The following KCNQ5 variants were observed in gnomAD, a reference collection of about 807,000 sequenced individuals.
KCNQ5 encodes the protein potassium voltage-gated channel subfamily KQT member 5.
KCNQ5 carries 30 observed loss-of-function variants against 98.2 expected under a neutral mutation model. The observed-to-expected ratio is 0.31, with a 90% CI of 0.23 to 0.41. KCNQ5 has a LOEUF of 0.41. Ranked by LOEUF, KCNQ5 falls within the 10% of genes least tolerant of loss-of-function variation. The pLI, the probability that KCNQ5 is intolerant of heterozygous loss-of-function variation, is 1.00. For synonymous variants in KCNQ5, 458 were observed against 449.4 expected (o/e 1.02, Z -0.24); for missense variants, 835 against 1,182.5 (o/e 0.71, Z 4.31).
intron 1 of KCNQ5, among the ~76,000 whole-genome samples, chr6:72,752,037 C>T (rs1318749685): frequency 6.6e-6 from 1 of 151,948 alleles, no homozygotes; most frequent in Non-Finnish European, 1.5e-5. Flanking sequence ...GCTATACTAC[C>T]ATACATTGCT....
intron 5 of KCNQ5, among the ~76,000 whole-genome samples, chr6:73,102,175 T>C (rs1774805212): frequency 6.6e-6 from 1 of 152,156 alleles, no homozygotes. Flanking sequence ...TAAAAGGTGC[T>C]GGAGAAACTG....
At chr6:72,629,484 G>C (rs2098919669) in intron 1 of KCNQ5, among the ~76,000 whole-genome samples, 1 of 152,122 alleles carries the variant, frequency 6.6e-6, no homozygotes, top group African/African-American at 2.4e-5. Flanking sequence ...TACAATATTA[G>C]TACTGGGAAT....
At chr6:72,706,833 A>G (rs1769113218) in intron 1 of KCNQ5, among the ~76,000 whole-genome samples, 1 of 152,224 alleles carries the variant, frequency 6.6e-6, no homozygotes, top group Non-Finnish European at 1.5e-5. Flanking sequence ...ATTAAAAAGT[A>G]TCATCTTTAC....
chr6:73,056,952 A>G, intron 3 of KCNQ5, among the ~76,000 whole-genome samples: 1 of 152,056 alleles, frequency 6.6e-6, no homozygotes, highest in Non-Finnish European at 1.5e-5. Context: ...TAGAAATACC[A>G]TTTGACCCAG....
intron 7 of KCNQ5, among the ~76,000 whole-genome samples, chr6:73,116,896 C>A (rs4379253): frequency 2.6e-5 from 4 of 152,174 alleles, no homozygotes; most frequent in Non-Finnish European, 2.9e-5. Context: ...CAGCTGAAAC[C>A]TTCTAAACCA....
intron 1 of KCNQ5, among the ~76,000 whole-genome samples, chr6:72,812,142 C>A (rs999323044): frequency 6.6e-6 from 1 of 152,130 alleles, no homozygotes; most frequent in African/African-American, 2.4e-5. Context: ...ACTTTCATTG[C>A]CGTCTTTGTT....
At chr6:72,660,354 G>C (rs1030497110) in intron 1 of KCNQ5, among the ~76,000 whole-genome samples, 1 of 152,072 alleles carries the variant, frequency 6.6e-6, no homozygotes, top group East Asian at 1.9e-4. Flanking sequence ...TCTAGAGCGC[G>C]GACATGAAAA....
intron 1 of KCNQ5, among the ~76,000 whole-genome samples, chr6:72,701,015 T>C (rs1353473110): frequency 6.6e-6 from 1 of 152,242 alleles, no homozygotes; most frequent in East Asian, 1.9e-4. Context: ...CTAAGTTCAT[T>C]GTAGACATGC....
At chr6:72,693,371 G>A (rs758277001) in intron 1 of KCNQ5, among the ~76,000 whole-genome samples, 1 of 152,126 alleles carries the variant, frequency 6.6e-6, no homozygotes, top group Non-Finnish European at 1.5e-5. Context: ...TGTTAGGGCT[G>A]TAGGATGAGA....
At chr6:73,031,095 A>C (rs900087489) in intron 2 of KCNQ5, among the ~76,000 whole-genome samples, 9 of 152,228 alleles carry the variant, frequency 5.9e-5, no homozygotes, top group African/African-American at 2.2e-4. Context: ...AAAAGGGATA[A>C]ACTGTCTCTC....
intron 1 of KCNQ5, among the ~76,000 whole-genome samples, chr6:72,679,817 C>T (rs1280722355): frequency 2.0e-5 from 3 of 152,208 alleles, no homozygotes; most frequent in Non-Finnish European, 4.4e-5. Context: ...GTGGGCAGAT[C>T]GCCCTAGGTC....
At chr6:73,056,965 A>T (rs1037820505) in intron 3 of KCNQ5, among the ~76,000 whole-genome samples, 1 of 152,200 alleles carries the variant, frequency 6.6e-6, no homozygotes, top group African/African-American at 2.4e-5. Context: ...TGACCCAGCC[A>T]TCCCATTACT....
chr6:73,097,228 TC>T (rs1774550285), intron 5 of KCNQ5, among the ~76,000 whole-genome samples: 1 of 148,326 alleles, frequency 6.7e-6, no homozygotes, highest in South Asian at 2.2e-4. Flanking sequence ...ATCTCCCCAT[TC>T]CCCCAACCCC....
intron 12 of KCNQ5, among the ~76,000 whole-genome samples, 189 bp from the exon 13 acceptor site, chr6:73,192,376 T>C (rs141620583): frequency 2.0e-5 from 3 of 152,334 alleles, no homozygotes; most frequent in African/African-American, 7.2e-5. Flanking sequence ...ACCAGAATAA[T>C]GAGAAAATTA....
At chr6:72,977,698 C>T (rs757260262) in intron 1 of KCNQ5, among the ~76,000 whole-genome samples, 5 of 152,168 alleles carry the variant, frequency 3.3e-5, no homozygotes, top group East Asian at 1.9e-4. Context: ...TTTGTCCATA[C>T]GTTCAACTCT....
At chr6:73,126,096 AT>A (rs1297333081) in intron 9 of KCNQ5, among the ~76,000 whole-genome samples, 1 of 152,184 alleles carries the variant, frequency 6.6e-6, no homozygotes, top group African/African-American at 2.4e-5. Flanking sequence ...AATCATAGCC[AT>A]TTTAAGGTAG....
chr6:73,082,782 A>G (rs918033767), intron 5 of KCNQ5, among the ~76,000 whole-genome samples: 2 of 152,050 alleles, frequency 1.3e-5, no homozygotes, highest in Non-Finnish European at 2.9e-5. Context: ...CTCCCACAAA[A>G]CATACTGAGG....
chr6:72,679,318 C>A (rs1209038648), intron 1 of KCNQ5, among the ~76,000 whole-genome samples: 2 of 151,998 alleles, frequency 1.3e-5, no homozygotes, highest in African/African-American at 4.8e-5. Flanking sequence ...GACTTGGAAC[C>A]AACCCAAATG....
chr6:72,902,814 T>C (rs1779561385), intron 1 of KCNQ5, among the ~76,000 whole-genome samples: 1 of 152,150 alleles, frequency 6.6e-6, no homozygotes, highest in African/African-American at 2.4e-5. Context: ...TTTTTGGTTA[T>C]GTCCTTTCCT....
Sources: allele counts gnomAD v4.1 joint callset (sites outside exome capture counted in the v4.1 genomes callset), GRCh38; gene constraint gnomAD v4.1.1; transcripts MANE v1.5; gene names NCBI Gene and HGNC (gene_info 2026-07-23, HGNC 2026-07-21).